LINGO2: variants seen among roughly 807,000 people sequenced by gnomAD.
The protein encoded by LINGO2 is leucine rich repeat and Ig domain containing 2, also known as leucine-rich repeat and immunoglobulin-like domain-containing nogo receptor-interacting protein 2.
A neutral mutation model predicts 30.6 loss-of-function variants in LINGO2; 14 were observed. The ratio of observed to expected loss-of-function variants is 0.46; its 90% CI spans 0.30 to 0.72. The LOEUF (loss-of-function observed/expected upper bound fraction) is 0.72. LINGO2 is among the 30% of genes least tolerant of loss of function. The probability of loss-of-function intolerance (pLI) is 0.07; values close to 1 mark genes in which losing one functional copy is unlikely to be tolerated. For synonymous variants in LINGO2, 317 were observed against 288.5 expected, an observed-to-expected ratio of 1.10 and a Z score of -1.00; for missense variants, 729 against 751.7, an observed-to-expected ratio of 0.97 and a Z score of 0.35.
At chr9:29,054,998 C>G in the LINGO2 span, among the ~76,000 whole-genome samples, 1 of 152,104 alleles carries the variant, frequency 6.6e-6, no homozygotes, top group Non-Finnish European at 1.5e-5. Context: ...GCAGGTGGAT[C>G]ACCTGAGGTC....
intron 4 of LINGO2, among the ~76,000 whole-genome samples, chr9:28,239,662 C>A (rs1821709983): frequency 6.6e-6 from 1 of 152,116 alleles, no homozygotes; most frequent in Non-Finnish European, 1.5e-5. Flanking sequence ...TTATGACAAA[C>A]CCATAGCTAG....
At chr9:28,978,231 G>C in the LINGO2 span, among the ~76,000 whole-genome samples, 1 of 152,230 alleles carries the variant, frequency 6.6e-6, no homozygotes, top group African/African-American at 2.4e-5. Context: ...ATTAGAATGA[G>C]TTATTAAGTT....
intron 1 of LINGO2, among the ~76,000 whole-genome samples, chr9:28,523,126 A>G (rs1391548361): frequency 6.6e-6 from 1 of 152,182 alleles, no homozygotes; most frequent in Non-Finnish European, 1.5e-5. Flanking sequence ...AATAAATTCA[A>G]TAAATTTAAT....
intron 1 of LINGO2, among the ~76,000 whole-genome samples, chr9:28,575,408 C>A (rs1175930286): frequency 5.7e-5 from 7 of 123,028 alleles, no homozygotes; most frequent in South Asian, 2.7e-4. Flanking sequence ...AAAAAAAAAA[C>A]AACAAAAAAA....
At chr9:27,952,222 T>C (rs1219180094) in intron 5 of LINGO2, among the ~76,000 whole-genome samples, 1 of 152,016 alleles carries the variant, frequency 6.6e-6, no homozygotes, top group African/African-American at 2.4e-5. Flanking sequence ...GAAAATACTA[T>C]TGTAAAAATT....
intron 4 of LINGO2, among the ~76,000 whole-genome samples, chr9:28,026,829 G>A (rs1323737505): frequency 6.6e-6 from 1 of 152,090 alleles, no homozygotes; most frequent in Admixed American, 6.6e-5. Context: ...TTTATTGCCA[G>A]TTATAAGTGC....
At chr9:28,305,784 C>A (rs1189170724) in intron 3 of LINGO2, among the ~76,000 whole-genome samples, 2 of 151,882 alleles carry the variant, frequency 1.3e-5, no homozygotes, top group Non-Finnish European at 2.9e-5. Flanking sequence ...TTGACATCAA[C>A]AATAATGGGT....
chr9:28,253,609 C>A (rs1187705137), intron 4 of LINGO2, among the ~76,000 whole-genome samples: 1 of 152,038 alleles, frequency 6.6e-6, no homozygotes, highest in African/African-American at 2.4e-5. Flanking sequence ...GAAAAAAAGT[C>A]TTTTCTCAGA....
the LINGO2 span, among the ~76,000 whole-genome samples, chr9:29,008,756 C>T: frequency 6.6e-6 from 1 of 152,032 alleles, no homozygotes; most frequent in Non-Finnish European, 1.5e-5. Flanking sequence ...TATCCTTCAC[C>T]CAATTTTTGA....
intron 2 of LINGO2, among the ~76,000 whole-genome samples, chr9:28,381,028 A>T (rs866285609): frequency 2.0e-5 from 3 of 152,066 alleles, no homozygotes; most frequent in African/African-American, 7.2e-5. Flanking sequence ...AGTAAACACC[A>T]TTTTGATTTG....
At chr9:27,955,009 GA>G (rs1819498188) in intron 5 of LINGO2, among the ~76,000 whole-genome samples, 1 of 152,112 alleles carries the variant, frequency 6.6e-6, no homozygotes, top group African/African-American at 2.4e-5. Context: ...TACTGACGTT[GA>G]GCATGCATTT....
chr9:28,886,009 T>C, the LINGO2 span, among the ~76,000 whole-genome samples: 1 of 152,204 alleles, frequency 6.6e-6, no homozygotes, highest in Non-Finnish European at 1.5e-5. Context: ...AGTTGTTATA[T>C]TTGGCTATTT....
At chr9:29,113,679 A>T in the LINGO2 span, among the ~76,000 whole-genome samples, 1 of 152,172 alleles carries the variant, frequency 6.6e-6, no homozygotes, top group South Asian at 2.1e-4. Context: ...AGAAATTTTA[A>T]ACAAACAGGA....
the LINGO2 span, among the ~76,000 whole-genome samples, chr9:28,838,068 T>A: frequency 6.6e-6 from 1 of 152,132 alleles, no homozygotes. Flanking sequence ...GGCATTTATG[T>A]GTGGTCCAGA....
chr9:28,596,771 T>C lies in LINGO2; in HGVS notation c.-365+73429A>G, dbSNP rs367656662. Among the ~76,000 whole-genome samples the C allele has an allele frequency of 4.5e-4, 68 of 152,320 alleles. 1 individual carries two copies. The East Asian group carries it at 7.9e-3, about 18-fold the overall frequency. On this transcript the variant is annotated intron_variant, in intron 1 of 5. Transcript: ENST00000379992. Reference sequence around the variant, plus strand: ...ATACATCATTATCTTTATAAGTATATGCACAGTCTGATAGTATAGTTCAAA... The same window carrying C: ...ATACATCATTATCTTTATAAGTATACGCACAGTCTGATAGTATAGTTCAAA...
the LINGO2 span, among the ~76,000 whole-genome samples, chr9:28,861,383 T>G: frequency 7.2e-6 from 1 of 138,980 alleles, no homozygotes; most frequent in African/African-American, 2.7e-5. Flanking sequence ...ACAAAAATCT[T>G]GTTGGTTCTG....
chr9:28,596,516 A>G (rs1825185132), intron 1 of LINGO2, among the ~76,000 whole-genome samples: 1 of 152,294 alleles, frequency 6.6e-6, no homozygotes, highest in Admixed American at 6.5e-5. Flanking sequence ...TCTATAATAG[A>G]TGCATGAACC....
chr9:27,979,791 A>G (rs928649833), intron 5 of LINGO2, among the ~76,000 whole-genome samples: 4 of 151,998 alleles, frequency 2.6e-5, no homozygotes, highest in Non-Finnish European at 5.9e-5. Flanking sequence ...GAAATGGAAA[A>G]CCACTATTAT....
chr9:28,677,316 T>C, the LINGO2 span, among the ~76,000 whole-genome samples: 1 of 152,100 alleles, frequency 6.6e-6, no homozygotes. Context: ...CCAAAAAATA[T>C]CAAATCATTA....
Sources: gnomAD v4.1 joint callset for allele counts (sites outside exome capture counted in the v4.1 genomes callset) on GRCh38, gnomAD v4.1.1 for gene constraint, MANE v1.5 for transcripts, NCBI Gene and HGNC (gene_info 2026-07-23, HGNC 2026-07-21) for gene names.